The following METTL24 variants were observed in gnomAD, a reference collection of about 807,000 sequenced individuals.
The protein encoded by METTL24 is methyltransferase like 24, also known as probable methyltransferase-like protein 24.
A neutral mutation model predicts 32.7 loss-of-function variants in METTL24; 29 were observed. The observed-to-expected ratio is 0.89, with a 90% CI of 0.66 to 1.21. The LOEUF (loss-of-function observed/expected upper bound fraction) is 1.21, where lower values mean the gene tolerates loss of function less well. Among genes scored for constraint, METTL24 ranks in the 50% most tolerant of loss-of-function variants. The pLI, the probability that METTL24 is intolerant of heterozygous loss-of-function variation, is 0.00. For synonymous variants in METTL24, 163 were observed against 179.5 expected (o/e 0.91, Z 0.73); for missense variants, 439 against 468.1 (o/e 0.94, Z 0.57).
chr6:110,298,978 G>A lies in METTL24; in HGVS notation c.730C>T (p.Pro244Ser). Residue 244 changes from proline to serine, a missense_variant, in exon 4 of 5, where the codon CCA becomes TCA. Physicochemically the swap from Pro to Ser is moderately conservative, Grantham distance 74 (BLOSUM62 -1). Coordinates refer to ENST00000338882, the MANE Select transcript of METTL24 (RefSeq NM_001123364.3). ...CCCAGTTTTCTGGTGTTGCTATGTG[G>A]TTTTTGGGCAGCAACAGCTGGATGG... ...DPHPAVAAQK[P>S]HSNTRKLGSI... 3 of 1,614,140 alleles carry A rather than the reference G, an allele frequency of 1.9e-6. No homozygotes were observed. The highest frequency in any genetic ancestry group is 2.5e-6 in the Non-Finnish European group (3 of 1,180,024).
intron 1 of METTL24, among the ~76,000 whole-genome samples, chr6:110,349,354 A>C (rs1243783036): frequency 6.6e-6 from 1 of 152,212 alleles, no homozygotes; most frequent in African/African-American, 2.4e-5. Context: ...CCCTCTGCCA[A>C]GGTGACCAGC....
intron 4 of METTL24, among the ~76,000 whole-genome samples, chr6:110,290,432 A>G (rs1160097304): frequency 1.3e-5 from 2 of 152,202 alleles, no homozygotes; most frequent in Non-Finnish European, 2.9e-5. Flanking sequence ...AGAATCACAT[A>G]ACAGGTGGTT....
chr6:110,292,926 C>T (rs1333581883), intron 4 of METTL24, among the ~76,000 whole-genome samples: 1 of 151,898 alleles, frequency 6.6e-6, no homozygotes, highest in Non-Finnish European at 1.5e-5. Context: ...GGATTTATTT[C>T]TGGAGTTTTA....
At chr6:110,327,042 T>A (rs991945756) in intron 1 of METTL24, among the ~76,000 whole-genome samples, 10 of 152,206 alleles carry the variant, frequency 6.6e-5, no homozygotes, top group African/African-American at 2.4e-4. Flanking sequence ...CAATTTAATA[T>A]AGGCCACAGC....
chr6:110,313,351 G>C (rs1272789242), intron 3 of METTL24, among the ~76,000 whole-genome samples: 1 of 152,022 alleles, frequency 6.6e-6, no homozygotes, highest in Non-Finnish European at 1.5e-5. Context: ...CCATTAATTT[G>C]TACAAATATT....
intron 1 of METTL24, among the ~76,000 whole-genome samples, chr6:110,336,370 C>A (rs1319789691): frequency 6.6e-6 from 1 of 152,188 alleles, no homozygotes; most frequent in Non-Finnish European, 1.5e-5. Flanking sequence ...ATCAAACACC[C>A]ACATGAATGT....
intron 1 of METTL24, among the ~76,000 whole-genome samples, chr6:110,337,127 T>C (rs1277330693): frequency 1.3e-5 from 2 of 152,280 alleles, no homozygotes; most frequent in South Asian, 2.1e-4. Flanking sequence ...TGCAGGAACA[T>C]AGATGGAGCT....
At chr6:110,281,667 C>T (rs1372597652) in intron 4 of METTL24, among the ~76,000 whole-genome samples, 3 of 150,552 alleles carry the variant, frequency 2.0e-5, no homozygotes, top group East Asian at 2.0e-4. Context: ...AAAAAAGGAG[C>T]GGGGGGAGTA....
Position 110,350,269 on chromosome 6 carries a change from C to T in METTL24, c.318+7686G>A, listed in dbSNP as rs141722484. Among the ~76,000 whole-genome samples the T allele has an allele frequency of 6.8e-3, 1,035 of 152,260 alleles. 11 individuals carry two copies. The highest frequency in any genetic ancestry group is 0.023 in the African/African-American group (973 of 41,544). On this transcript the variant is annotated intron_variant, in intron 1 of 4. Coordinates refer to ENST00000338882, the MANE Select transcript of METTL24 (RefSeq NM_001123364.3). ...ATATGGACAACTAAGGTCTTCAGTG[C>T]TCATTTTAGTCATAATCAACTTCCA...
chr6:110,260,367 G>A (rs1461785917), intron 4 of METTL24, among the ~76,000 whole-genome samples: 2 of 152,206 alleles, frequency 1.3e-5, no homozygotes, highest in Non-Finnish European at 2.9e-5. Flanking sequence ...GGTTATCAGT[G>A]ATGGAAGATG....
rs150773015 is a variant in METTL24 at position 110,352,889 on chromosome 6, C to T, written c.318+5066G>A. Among the ~76,000 whole-genome samples the T allele has an allele frequency of 7.9e-5, 12 of 152,308 alleles. No homozygotes were observed. In the East Asian group the frequency reaches 2.1e-3, roughly 27 times the overall value. ...TACTTGACCTGATTCTCTTCACAGA[C>T]TAAAAAGGAAATCCAATTCTATTTG... On this transcript the variant is annotated intron_variant, in intron 1 of 4. Transcript: ENST00000338882.
intron 2 of METTL24, 67 bp from the exon 3 acceptor site, chr6:110,315,548 A>T: frequency 6.5e-7 from 1 of 1,535,556 alleles, no homozygotes; most frequent in Non-Finnish European, 8.9e-7. Flanking sequence ...GTAGGGACTT[A>T]TTGCTTCCCC....
intron 3 of METTL24, among the ~76,000 whole-genome samples, chr6:110,302,963 C>T (rs1032793509): frequency 1.3e-5 from 2 of 152,020 alleles, no homozygotes; most frequent in Admixed American, 6.5e-5. Context: ...CTGAGGTACC[C>T]GGCTCATCTC....
rs1157409246 is a variant in METTL24 at position 110,358,045 on chromosome 6, C to T, written c.228G>A (p.Val76=). 9.1e-7 allele frequency: 1 copy of T among 1,099,734 alleles called. No homozygotes were observed. Among genetic ancestry groups the T allele is most frequent in the Non-Finnish European group, 1.1e-6 (1 of 905,092 alleles). 68.1% of individuals were successfully genotyped at this position (1,099,734 alleles called of 1,614,324 possible). ...CCGGCGGCGCCCGGCGACCGCTGCGCACGTAGGTCACCTGCCTCCTGCTGG... is the reference window on the plus strand; with the variant it reads ...CCGGCGGCGCCCGGCGACCGCTGCGTACGTAGGTCACCTGCCTCCTGCTGG... The part of the protein sequence containing the change: ...RGASRRQVTY[V]RSGRRAPPGG... Residue 76 remains valine (V), a synonymous_variant, in exon 1 of 5, where the codon GTG becomes GTA. Coordinates refer to ENST00000338882, the MANE Select transcript of METTL24 (RefSeq NM_001123364.3).
At chr6:110,277,043 T>C (rs1771060077) in intron 4 of METTL24, among the ~76,000 whole-genome samples, 1 of 152,152 alleles carries the variant, frequency 6.6e-6, no homozygotes, top group South Asian at 2.1e-4. Context: ...CCAACATTTT[T>C]TCTATTTAAA....
intron 3 of METTL24, among the ~76,000 whole-genome samples, chr6:110,309,581 T>C (rs142679348): frequency 0.021 from 3,169 of 152,252 alleles, 117 homozygotes; most frequent in African/African-American, 0.073. Flanking sequence ...CTCAGAATCA[T>C]GGCAGAAGGC....
chr6:110,307,734 G>C (rs1158301035), intron 3 of METTL24, among the ~76,000 whole-genome samples: 1 of 152,154 alleles, frequency 6.6e-6, no homozygotes, highest in Non-Finnish European at 1.5e-5. Context: ...AAAAGAAAGG[G>C]AGAATAAATA....
chr6:110,357,035 G>T (rs916503296), intron 1 of METTL24, among the ~76,000 whole-genome samples: 1 of 152,186 alleles, frequency 6.6e-6, no homozygotes, highest in African/African-American at 2.4e-5. Flanking sequence ...GCGGGGTGGA[G>T]GTTGGGGTGG....
At chr6:110,299,204 T>G in intron 3 of METTL24, 54 bp from the exon 4 acceptor site, 1 of 1,516,616 alleles carries the variant, frequency 6.6e-7, no homozygotes, top group East Asian at 2.3e-5. Flanking sequence ...AAGCAAAGTG[T>G]TGGACTAACA....
Sources: allele counts gnomAD v4.1 joint callset (sites outside exome capture counted in the v4.1 genomes callset), GRCh38; gene constraint gnomAD v4.1.1; transcripts MANE v1.5; gene names NCBI Gene and HGNC (gene_info 2026-07-23, HGNC 2026-07-21).